Variants in SLC4A1 observed in about 807,000 individuals in gnomAD.
SLC4A1 encodes the protein band 3 anion transport protein.
Under a neutral mutation model 93.1 loss-of-function variants are expected in SLC4A1, and 29 were observed. That is an observed-to-expected ratio of 0.31 (90% confidence interval 0.23 to 0.42). The LOEUF (loss-of-function observed/expected upper bound fraction) is 0.42, where lower values mean the gene tolerates loss of function less well. Ranked by LOEUF, SLC4A1 falls within the 20% of genes least tolerant of loss-of-function variation. The pLI, the probability that SLC4A1 is intolerant of heterozygous loss-of-function variation, is 1.00. For missense variants in SLC4A1, 965 were observed against 1,190.1 expected, an observed-to-expected ratio of 0.81 and a Z score of 2.78; for synonymous variants, 469 against 497.2, an observed-to-expected ratio of 0.94 and a Z score of 0.76.
chr17:44,259,552 T>G lies in SLC4A1; in HGVS notation c.639A>C (p.Pro213=), dbSNP rs745710771. 3.1e-6 allele frequency: 5 copies of G among 1,613,932 alleles called. No homozygotes were observed. In the Admixed American group the frequency reaches 8.3e-5, roughly 27 times the overall value. ...GGGGAATCTTTTCCAGAATTCCAGATGGTGAGTGCCCTTCTGTGCCCCCAT... is the reference window on the plus strand; with the variant it reads ...GGGGAATCTTTTCCAGAATTCCAGAGGGTGAGTGCCCTTCTGTGCCCCCAT... ...QGDGGTEGHS[P]SGILEKIPPD... is the part of the protein sequence containing the mutation. Residue 213 remains proline, a synonymous_variant, in exon 8 of 20, where the codon CCA becomes CCC. Transcript: ENST00000262418.
chr17:44,262,776 C>A (rs1452599201), intron 2 of SLC4A1, 50 bp from the exon 3 acceptor site: 1 of 1,608,776 alleles, frequency 6.2e-7, no homozygotes, highest in Non-Finnish European at 8.5e-7. Flanking sequence ...CTTCCACCCC[C>A]AACGAAGATA....
intron 1 of SLC4A1, among the ~76,000 whole-genome samples, chr17:44,266,817 G>A (rs1449750747): frequency 6.6e-6 from 1 of 152,182 alleles, no homozygotes; most frequent in Admixed American, 6.5e-5. Context: ...AGATAAGGGT[G>A]AGCGGGACAT....
At position 44,262,833 on chromosome 17, in the gene SLC4A1, G is replaced by A; in HGVS notation, c.15+19C>T. ...AGAGCCTCCAGGTGGGAGCACTGCT[G>A]ATGCCAGGGAACACCCACCTGCAGC... On this transcript the variant is annotated intron_variant, in intron 2 of 19. Coordinates refer to ENST00000262418, the MANE Select transcript of SLC4A1 (RefSeq NM_000342.4). 6.2e-7 allele frequency: 1 copy of A among 1,613,586 alleles called. No individual in the cohort carries two copies. The highest frequency in any genetic ancestry group is 1.3e-5 in the African/African-American group (1 of 75,052).
rs771695604 is a variant in SLC4A1, at chr17:44,262,661, G to C, written c.81C>G (p.Pro27=). The part of the protein sequence containing the change: ...EQEEYEDPDI[P]ESQMEEPAAH... ...CTGCCGGCTCCTCCATCTGGGACTC[G>C]GGGATGTCTGGGTCTTCATATTCCT... Residue 27 remains proline (P), a synonymous_variant, in exon 3 of 20, where the codon CCC becomes CCG. Coordinates refer to ENST00000262418, the MANE Select transcript of SLC4A1 (RefSeq NM_000342.4). 6.2e-7 allele frequency: 1 copy of C among 1,613,336 alleles called. No individual in the cohort carries two copies. The highest frequency in any genetic ancestry group is 1.1e-5 in the South Asian group (1 of 90,942).
Position 44,250,169 on chromosome 17 carries a change from A to G in SLC4A1, c.*289T>C. On this transcript the variant is annotated 3_prime_UTR_variant, in exon 20 of 20. Coordinates refer to ENST00000262418, the MANE Select transcript of SLC4A1 (RefSeq NM_000342.4). ...CCTGTGCTGGGAAGAGGGAGGGCTC[A>G]GATCTAAGTCTTCCAGCACGGGATC... is the stretch of plus-strand genomic sequence containing the variant. 1 of 434,482 alleles carries G rather than the reference A, an allele frequency of 2.3e-6. No individual in the cohort carries two copies. The allele number at this position is 434,482 out of a possible 1,614,324, so 26.9% of individuals were successfully genotyped here. A position where few individuals can be genotyped will look rare whatever the true frequency, so the allele number is the denominator to read the frequency against.
intron 1 of SLC4A1, among the ~76,000 whole-genome samples, chr17:44,263,711 T>TCCTTCCCTCCCTTCCC (rs1555597779): frequency 1.2e-4 from 1 of 8,580 alleles, no homozygotes; most frequent in Non-Finnish European, 5.5e-4. Context: ...CCTTCCCTCC[T>TCCTTCCCTCCCTTCCC]TCCTTCCTTC....
rs553108948 is a variant in SLC4A1 at position 44,248,418 on chromosome 17, C to T, written c.*2040G>A. On this transcript the variant is annotated 3_prime_UTR_variant, in exon 20 of 20. Transcript: ENST00000262418. ...AACACAGATACGTTTATTGGCAAAA[C>T]CTATTCCCAGGCATCAAGGGGAAGG... 6.6e-6 allele frequency: 1 copy of T among 152,364 alleles called. No homozygotes were observed. Among genetic ancestry groups the T allele is most frequent in the African/African-American group, 2.4e-5 (1 of 41,546 alleles). 9.4% of individuals were successfully genotyped at this position (152,364 alleles called of 1,614,324 possible). A position where few individuals can be genotyped will look rare whatever the true frequency, so the allele number is the denominator to read the frequency against.
intron 7 of SLC4A1, 78 bp from the exon 8 acceptor site, chr17:44,259,659 C>G (rs1246094279): frequency 5.2e-6 from 8 of 1,527,900 alleles, no homozygotes; most frequent in Non-Finnish European, 7.3e-6. Flanking sequence ...CCTTCCCATT[C>G]TCGCTTCCCA....
intron 17 of SLC4A1, among the ~76,000 whole-genome samples, chr17:44,252,734 C>T (rs977542880): frequency 6.6e-6 from 1 of 152,192 alleles, no homozygotes; most frequent in African/African-American, 2.4e-5. Context: ...TGGAAGAGAA[C>T]TGGGGGACAT....
At chr17:44,259,612 T>A in intron 7 of SLC4A1, 31 bp from the exon 8 acceptor site, 1 of 1,579,268 alleles carries the variant, frequency 6.3e-7, no homozygotes, top group Non-Finnish European at 8.7e-7. Context: ...ACGGGAGTCC[T>A]CGGGCCAGTC....
At chr17:44,259,961 A>T (rs780309359) in intron 6 of SLC4A1, 29 bp from the exon 7 acceptor site, 2 of 1,612,356 alleles carry the variant, frequency 1.2e-6, no homozygotes, top group Admixed American at 3.3e-5. Context: ...ACATGGGCTG[A>T]GTAAGCTGTT....
intron 1 of SLC4A1, among the ~76,000 whole-genome samples, chr17:44,267,551 T>G (rs2047504940): frequency 6.6e-6 from 1 of 152,240 alleles, no homozygotes. Context: ...TTTGAGATTC[T>G]CATGTGGTAG....
chr17:44,259,606 G>T, intron 7 of SLC4A1, 25 bp from the exon 8 acceptor site: 1 of 1,588,880 alleles, frequency 6.3e-7, no homozygotes, highest in Non-Finnish European at 8.6e-7. Context: ...GTGGTGACGG[G>T]AGTCCTCGGG....
chr17:44,264,300 A>G (rs2047477174), intron 1 of SLC4A1, among the ~76,000 whole-genome samples: 2 of 152,150 alleles, frequency 1.3e-5, no homozygotes, highest in African/African-American at 2.4e-5. Context: ...GTCTACAAAA[A>G]TACAAAAATT....
intron 1 of SLC4A1, among the ~76,000 whole-genome samples, chr17:44,263,724 TCCTTC>T (rs1191366657): frequency 2.7e-5 from 4 of 149,106 alleles, no homozygotes; most frequent in African/African-American, 1.0e-4. Context: ...CTTCCTTCCT[TCCTTC>T]CTTCCTTCCT....
intron 12 of SLC4A1, 23 bp from the exon 13 acceptor site, chr17:44,257,567 C>A (rs186492140): frequency 6.2e-7 from 1 of 1,613,664 alleles, no homozygotes; most frequent in East Asian, 2.2e-5. Flanking sequence ...CAGAAGAAGC[C>A]GGTCAGTCAA....
chr17:44,263,711 T>TTCCTTCCTTCCTCCCTTCCC (rs1555597774), intron 1 of SLC4A1, among the ~76,000 whole-genome samples: 3 of 8,580 alleles, frequency 3.5e-4, no homozygotes, highest in Non-Finnish European at 1.6e-3. Flanking sequence ...CCTTCCCTCC[T>TTCCTTCCTTCCTCCCTTCCC]TCCTTCCTTC....
chr17:44,250,109 C>G lies in SLC4A1; in HGVS notation c.*349G>C. The G allele has an allele frequency of 2.9e-6, 1 of 339,436 alleles. No homozygotes were observed. Among genetic ancestry groups the G allele is most frequent in the South Asian group, 3.1e-5 (1 of 32,596 alleles). 21.0% of individuals were successfully genotyped at this position (339,436 alleles called of 1,614,324 possible). Reference sequence around the variant, plus strand: ...AAGGTCACACAGCAAGCACCCCACCCGCTCACCCACCTCCTGCCTTTGCTT... The same window carrying G: ...AAGGTCACACAGCAAGCACCCCACCGGCTCACCCACCTCCTGCCTTTGCTT... On this transcript the variant is annotated 3_prime_UTR_variant, in exon 20 of 20. Coordinates refer to ENST00000262418, the MANE Select transcript of SLC4A1 (RefSeq NM_000342.4).
chr17:44,266,407 C>T (rs2047496397), intron 1 of SLC4A1, among the ~76,000 whole-genome samples: 1 of 152,168 alleles, frequency 6.6e-6, no homozygotes, highest in Non-Finnish European at 1.5e-5. Flanking sequence ...GGGACTGTGG[C>T]CTTGGTTGCC....
Sources: allele counts gnomAD v4.1 joint callset (sites outside exome capture counted in the v4.1 genomes callset), GRCh38; gene constraint gnomAD v4.1.1; transcripts MANE v1.5; gene names NCBI Gene and HGNC (gene_info 2026-07-23, HGNC 2026-07-21).